HPSE2: variants seen among roughly 807,000 people sequenced by gnomAD.
HPSE2 encodes heparanase 2 (inactive), also known as inactive heparanase-2.
HPSE2 carries 38 observed loss-of-function variants against 60.5 expected under a neutral mutation model. The ratio of observed to expected loss-of-function variants is 0.63; its 90% confidence interval spans 0.48 to 0.82. The LOEUF is 0.82. Among genes scored for constraint, HPSE2 ranks in the 40% least tolerant of loss-of-function variants. HPSE2 has a pLI of 0.00. For missense variants in HPSE2, 713 were observed against 740.4 expected (o/e 0.96, Z 0.43); for synonymous variants, 295 against 293.2 (o/e 1.01, Z -0.06).
At chr10:98,664,895 C>T (rs1245611121) in intron 6 of HPSE2, among the ~76,000 whole-genome samples, 1 of 152,108 alleles carries the variant, frequency 6.6e-6, no homozygotes, top group Non-Finnish European at 1.5e-5. Flanking sequence ...AGAGTGTCTC[C>T]TTACCTCCAA....
At chr10:98,986,004 G>T (rs1161930375) in intron 3 of HPSE2, among the ~76,000 whole-genome samples, 1 of 152,124 alleles carries the variant, frequency 6.6e-6, no homozygotes, top group Non-Finnish European at 1.5e-5. Flanking sequence ...AGTCCTTAGA[G>T]ACCTACAAAC....
At chr10:98,901,441 A>G (rs1191719388) in intron 3 of HPSE2, among the ~76,000 whole-genome samples, 1 of 152,198 alleles carries the variant, frequency 6.6e-6, no homozygotes, top group Non-Finnish European at 1.5e-5. Context: ...CTCCAACTGA[A>G]TGCAAATACA....
intron 3 of HPSE2, among the ~76,000 whole-genome samples, chr10:98,908,683 CAAAAAAAAAAAAA>C (rs35913499): frequency 1.4e-4 from 9 of 66,126 alleles, no homozygotes; most frequent in East Asian, 1.1e-3. Context: ...AGCTCCATCT[CAAAAAAAAAAAAA>C]AAAAAAAAAA....
At chr10:98,702,615 T>G (rs533591044) in intron 5 of HPSE2, among the ~76,000 whole-genome samples, 1 of 152,298 alleles carries the variant, frequency 6.6e-6, no homozygotes, top group African/African-American at 2.4e-5. Flanking sequence ...AAATTAGAAC[T>G]CAGGATTAAG....
intron 2 of HPSE2, among the ~76,000 whole-genome samples, chr10:99,190,050 T>C (rs1848166956): frequency 6.6e-6 from 1 of 152,224 alleles, no homozygotes; most frequent in African/African-American, 2.4e-5. Context: ...CATCTTTCAG[T>C]ACTGAGTCCT....
chr10:99,188,946 A>G (rs1425171767), intron 2 of HPSE2, among the ~76,000 whole-genome samples: 1 of 152,196 alleles, frequency 6.6e-6, no homozygotes, highest in East Asian at 1.9e-4. Flanking sequence ...GTTCCTCCAC[A>G]TGACTTTTTC....
chr10:98,492,139 C>T (rs1941666703), intron 9 of HPSE2, among the ~76,000 whole-genome samples: 1 of 152,096 alleles, frequency 6.6e-6, no homozygotes, highest in Admixed American at 6.5e-5. Flanking sequence ...TGGGTATAGC[C>T]ATTACCTTTG....
At chr10:98,608,129 T>C (rs1446208115) in intron 9 of HPSE2, among the ~76,000 whole-genome samples, 1 of 152,172 alleles carries the variant, frequency 6.6e-6, no homozygotes, top group Admixed American at 6.6e-5. Flanking sequence ...GACATATAGC[T>C]AGTAAGTGGT....
chr10:99,250,342 T>C, the HPSE2 span, among the ~76,000 whole-genome samples: 3 of 152,122 alleles, frequency 2.0e-5, no homozygotes, highest in African/African-American at 7.2e-5. Context: ...TTTCAGATAT[T>C]TCTTAATAGC....
At chr10:99,058,567 C>A (rs1958165165) in intron 3 of HPSE2, among the ~76,000 whole-genome samples, 1 of 152,122 alleles carries the variant, frequency 6.6e-6, no homozygotes, top group Admixed American at 6.6e-5. Flanking sequence ...CTTGACTAGT[C>A]TTAGCACTTC....
At chr10:99,072,118 T>C (rs1192901060) in intron 3 of HPSE2, among the ~76,000 whole-genome samples, 1 of 152,082 alleles carries the variant, frequency 6.6e-6, no homozygotes, top group African/African-American at 2.4e-5. Flanking sequence ...AAATAAAAAA[T>C]TCCACTGAGA....
intron 2 of HPSE2, among the ~76,000 whole-genome samples, chr10:99,184,262 C>A (rs1847886380): frequency 6.6e-6 from 1 of 152,048 alleles, no homozygotes; most frequent in South Asian, 2.1e-4. Flanking sequence ...TGGTGGCTCA[C>A]ACCTGTAATC....
chr10:99,043,054 A>G (rs1957776027), intron 3 of HPSE2, among the ~76,000 whole-genome samples: 2 of 152,226 alleles, frequency 1.3e-5, no homozygotes, highest in Non-Finnish European at 2.9e-5. Context: ...CCAACTGACT[A>G]TACTCAACTT....
intron 9 of HPSE2, among the ~76,000 whole-genome samples, chr10:98,520,897 C>G (rs1413130535): frequency 6.6e-6 from 1 of 152,106 alleles, no homozygotes; most frequent in Admixed American, 6.6e-5. Context: ...GGAAAGGATT[C>G]CCTATTTAAT....
intron 3 of HPSE2, among the ~76,000 whole-genome samples, chr10:98,954,352 A>C (rs1955450141): frequency 6.6e-6 from 1 of 152,124 alleles, no homozygotes; most frequent in Non-Finnish European, 1.5e-5. Context: ...AGTTTGGGGA[A>C]GGCTGTAAGC....
chr10:99,032,856 C>T (rs2135455027), intron 3 of HPSE2, among the ~76,000 whole-genome samples: 1 of 152,342 alleles, frequency 6.6e-6, no homozygotes, highest in South Asian at 2.1e-4. Flanking sequence ...TCTCATATCA[C>T]ATCTAATCTC....
intron 5 of HPSE2, among the ~76,000 whole-genome samples, chr10:98,709,727 T>C (rs1948631354): frequency 1.3e-5 from 2 of 152,224 alleles, no homozygotes; most frequent in African/African-American, 4.8e-5. Context: ...TTTCCTTTGT[T>C]ATCCACCTGC....
chr10:98,472,853 A>C (rs1467139120), intron 11 of HPSE2, among the ~76,000 whole-genome samples: 2 of 152,226 alleles, frequency 1.3e-5, no homozygotes, highest in Admixed American at 1.3e-4. Flanking sequence ...CAAATAAAAT[A>C]CTAGAGAAAA....
chr10:98,871,534 G>T (rs977203914), intron 3 of HPSE2, among the ~76,000 whole-genome samples: 1 of 151,692 alleles, frequency 6.6e-6, no homozygotes, highest in African/African-American at 2.4e-5. Context: ...GACATTTAAT[G>T]GCAAATATAC....
Sources: allele counts gnomAD v4.1 joint callset (sites outside exome capture counted in the v4.1 genomes callset), GRCh38; gene constraint gnomAD v4.1.1; transcripts MANE v1.5; gene names NCBI Gene and HGNC (gene_info 2026-07-23, HGNC 2026-07-21).